The following KIR3DL2 variants were observed in gnomAD, a reference collection of about 807,000 sequenced individuals.
The protein encoded by KIR3DL2 is killer cell immunoglobulin like receptor, three Ig domains and long cytoplasmic tail 2, also known as killer cell immunoglobulin-like receptor 3DL2.
Under a neutral mutation model 41.6 loss-of-function variants are expected in KIR3DL2, and 42 were observed. That is an observed-to-expected ratio of 1.01 (90% confidence interval 0.79 to 1.31). The LOEUF is 1.31. KIR3DL2 is among the 50% of genes most tolerant of loss of function. KIR3DL2 has a pLI of 0.00. For missense variants in KIR3DL2, 728 were observed against 576.8 expected (o/e 1.26, Z -2.68); for synonymous variants, 230 against 221.3 (o/e 1.04, Z -0.35).
intron 3 of KIR3DL2, among the ~76,000 whole-genome samples, chr19:54,853,080 A>G (rs2064425556): frequency 6.6e-6 from 1 of 151,346 alleles, no homozygotes; most frequent in South Asian, 2.1e-4. Flanking sequence ...ACTGCACTCC[A>G]GCCTGGGTGA....
At chr19:54,850,961 T>G (rs7259988) in intron 1 of KIR3DL2, among the ~76,000 whole-genome samples, 29,937 of 118,008 alleles carry the variant, frequency 0.25, 4,780 homozygotes, top group East Asian at 0.47. Context: ...AGTGGAGATA[T>G]GGGCCTGGAG....
At position 54,866,530 on chromosome 19, in the gene KIR3DL2, T is replaced by C; in HGVS notation, c.1167T>C (p.Asp389=). The C allele has an allele frequency of 6.2e-7, 1 of 1,614,030 alleles. No homozygotes were observed. Among genetic ancestry groups the C allele is most frequent in the African/African-American group, 1.3e-5 (1 of 75,030 alleles). ...GDRTVNRQDS[D]EQDPQEVTYA... ...CATTTCCCTCTCTCCAGGACTCTGA[T>C]GAACAAGACCCTCAGGAGGTGACGT... Residue 389 remains aspartate, a synonymous_variant, in exon 9 of 9, where the codon GAT becomes GAC. Coordinates refer to ENST00000326321, the MANE Select transcript of KIR3DL2 (RefSeq NM_006737.4).
intron 6 of KIR3DL2, among the ~76,000 whole-genome samples, chr19:54,865,162 ATTG>A (rs1322988336): frequency 6.6e-6 from 1 of 151,984 alleles, no homozygotes; most frequent in Non-Finnish European, 1.5e-5. Context: ...GATTACATTT[ATTG>A]ATTTGCATAT....
intron 6 of KIR3DL2, among the ~76,000 whole-genome samples, chr19:54,859,410 T>C (rs1004989097): frequency 6.6e-6 from 1 of 152,160 alleles, no homozygotes; most frequent in African/African-American, 2.4e-5. Context: ...TTTTTCTGCC[T>C]GCATTCCTAA....
chr19:54,864,906 T>C (rs1450443661), intron 6 of KIR3DL2, among the ~76,000 whole-genome samples: 1 of 151,826 alleles, frequency 6.6e-6, no homozygotes, highest in Non-Finnish European at 1.5e-5. Flanking sequence ...TGAATAGGAG[T>C]GGTGAAAGAG....
intron 6 of KIR3DL2, among the ~76,000 whole-genome samples, chr19:54,863,337 G>A (rs1349031104): frequency 3.3e-5 from 5 of 151,928 alleles, no homozygotes; most frequent in Non-Finnish European, 7.4e-5. Context: ...TGTCTTTATA[G>A]CAGCATGATT....
rs761655644 is a variant in KIR3DL2, at chr19:54,855,888, G to T, written c.925G>T (p.Asp309Tyr). 6.2e-7 allele frequency: 1 copy of T among 1,613,554 alleles called. No homozygotes were observed. Among genetic ancestry groups the T allele is most frequent in the Non-Finnish European group, 8.5e-7 (1 of 1,179,948 alleles). ...ALPCVWSNSS[D>Y]PLLVSVTGNP... ...GCCCTGCGTGTGGTCAAACTCAAGT[G>T]ACCCACTGCTTGTTTCTGTCACAGG... Residue 309 changes from aspartate to tyrosine, a missense_variant, in exon 5 of 9, where the codon GAC becomes TAC. Physicochemically the swap from Asp to Tyr is radical, Grantham distance 160. Coordinates refer to ENST00000326321, the MANE Select transcript of KIR3DL2 (RefSeq NM_006737.4).
Position 54,866,808 on chromosome 19 carries a change from G to T in KIR3DL2, c.*77G>T, listed in dbSNP as rs60384117. 0.037 allele frequency: 53,987 copies of T among 1,455,226 alleles called. 1,417 individuals carry two copies. The highest frequency in any genetic ancestry group is 0.11 in the East Asian group (4,933 of 43,880). 90.1% of individuals were successfully genotyped at this position (1,455,226 alleles called of 1,614,324 possible). ...AGCTGGAATCTGAAGGCATCAGTCT[G>T]CATCTTAGGGGATCGCTCTTCCTCA... On this transcript the variant is annotated 3_prime_UTR_variant, in exon 9 of 9. Coordinates refer to ENST00000326321, the MANE Select transcript of KIR3DL2 (RefSeq NM_006737.4).
Position 54,851,403 on chromosome 19 carries a change from C to G in KIR3DL2, c.70+148C>G, listed in dbSNP as rs1424546044. ...GCCCACATTTCTGACCTCGCCCTCCCTGGCCTTTCTTTCCCTTTCCTGAGT... is the reference window on the plus strand; with the variant it reads ...GCCCACATTTCTGACCTCGCCCTCCGTGGCCTTTCTTTCCCTTTCCTGAGT... On this transcript the variant is annotated intron_variant, in intron 2 of 8. Transcript: ENST00000326321. 3.9e-5 allele frequency: 32 copies of G among 821,798 alleles called. 1 individual carries two copies. In the African/African-American group the frequency reaches 5.5e-4, roughly 14 times the overall value. 50.9% of individuals were successfully genotyped at this position (821,798 alleles called of 1,614,324 possible).
chr19:54,858,621 A>G (rs1447805810), intron 5 of KIR3DL2, among the ~76,000 whole-genome samples: 8 of 151,358 alleles, frequency 5.3e-5, no homozygotes, highest in African/African-American at 2.0e-4. Context: ...ACCACTACTC[A>G]GGAGTTTGAA....
intron 1 of KIR3DL2, 78 bp downstream of exon 1, chr19:54,850,587 G>A (rs2064102278): frequency 6.4e-7 from 1 of 1,561,504 alleles, no homozygotes; most frequent in Admixed American, 1.7e-5. Context: ...TGGGCCTGGA[G>A]TGGAGATATG....
At chr19:54,864,264 G>T (rs951421411) in intron 6 of KIR3DL2, among the ~76,000 whole-genome samples, 1 of 152,088 alleles carries the variant, frequency 6.6e-6, no homozygotes, top group Non-Finnish European at 1.5e-5. Flanking sequence ...CTGTAGCCTT[G>T]TAGTATAGTT....
At chr19:54,851,429 CAAGCTCTGTGAAGACTGGGGTGAG>C (rs2064226461) in intron 2 of KIR3DL2, among the ~76,000 whole-genome samples, 174 bp downstream of exon 2, 1 of 150,976 alleles carries the variant, frequency 6.6e-6, no homozygotes, top group African/African-American at 2.5e-5. Flanking sequence ...TTTCCTGAGT[CAAGCTCTGTGAAGACTGGGGTGAG>C]ACTGGGGTGC....
Position 54,866,673 on chromosome 19 carries a change from G to C in KIR3DL2, c.1310G>C (p.Arg437Thr), listed in dbSNP as rs751762665. 8 of 1,613,838 alleles carry C rather than the reference G, an allele frequency of 5.0e-6. No individual in the cohort carries two copies. The highest frequency in any genetic ancestry group is 3.3e-4 in the Middle Eastern group (2 of 6,084). Residue 437 changes from arginine (R) to threonine (T), a missense_variant, in exon 9 of 9, where the codon AGA becomes ACA. Physicochemically the swap from Arg to Thr is moderately conservative, Grantham distance 71. Coordinates refer to ENST00000326321, the MANE Select transcript of KIR3DL2 (RefSeq NM_006737.4). ...ACGGAACTTCCAAATGCTGAGCCCA[G>C]ATCCAAAGTTGTCTCCTGCCCACGA... ...VYTELPNAEPRSKVVSCPRAP... is the reference protein window; with the variant it reads ...VYTELPNAEPTSKVVSCPRAP...
intron 4 of KIR3DL2, among the ~76,000 whole-genome samples, chr19:54,854,587 G>C (rs1391436565): frequency 2.0e-5 from 3 of 151,654 alleles, no homozygotes; most frequent in Non-Finnish European, 4.4e-5. Context: ...GTGTGTACTT[G>C]GTGTCCCCAG....
chr19:54,863,736 A>G (rs1394972404), intron 6 of KIR3DL2, among the ~76,000 whole-genome samples: 1 of 151,768 alleles, frequency 6.6e-6, no homozygotes, highest in Non-Finnish European at 1.5e-5. Context: ...GTTTGAGTTC[A>G]TTGTAGATTC....
rs754707693 is a variant in KIR3DL2, at chr19:54,852,312, T to C, written c.355+30T>C. On this transcript the variant is annotated intron_variant, in intron 3 of 8. Transcript: ENST00000326321. Reference sequence around the variant, plus strand: ...GAGGCTTTCTGTCTGGGCTTCTCACTGTCCCACCTCCTGAATCCCAGAGCT... The same window carrying C: ...GAGGCTTTCTGTCTGGGCTTCTCACCGTCCCACCTCCTGAATCCCAGAGCT... 3.8e-6 allele frequency: 6 copies of C among 1,595,698 alleles called. No individual in the cohort carries two copies. In the African/African-American group the frequency reaches 4.1e-5, roughly 11 times the overall value.
chr19:54,862,519 A>G (rs1032310822), intron 6 of KIR3DL2, among the ~76,000 whole-genome samples: 6 of 152,050 alleles, frequency 3.9e-5, no homozygotes, highest in African/African-American at 1.4e-4. Flanking sequence ...ACAGAAGCCT[A>G]CATTTCAACG....
At chr19:54,861,221 A>T (rs116855478) in intron 6 of KIR3DL2, among the ~76,000 whole-genome samples, 50,653 of 145,920 alleles carry the variant, frequency 0.35, 8,426 homozygotes, top group South Asian at 0.39. Context: ...GCTGGGTTTA[A>T]TTTTTCCTGG....
Sources: gnomAD v4.1 joint callset for allele counts (sites outside exome capture counted in the v4.1 genomes callset) on GRCh38, gnomAD v4.1.1 for gene constraint, MANE v1.5 for transcripts, NCBI Gene and HGNC (gene_info 2026-07-23, HGNC 2026-07-21) for gene names.